Variants in SH3BP2 observed in about 807,000 individuals in gnomAD.
SH3BP2 encodes the protein SH3 domain binding protein 2.
SH3BP2 carries 38 observed loss-of-function variants against 56.2 expected under a neutral mutation model. The ratio of observed to expected loss-of-function variants is 0.68; its 90% CI spans 0.52 to 0.89. SH3BP2 has a LOEUF of 0.89. Among genes scored for constraint, SH3BP2 ranks in the 40% least tolerant of loss-of-function variants. SH3BP2 has a pLI of 0.00. For missense variants in SH3BP2, 748 were observed against 762.6 expected (o/e 0.98, Z 0.23); for synonymous variants, 346 against 316.7 (o/e 1.09, Z -0.98).
rs566168570 is a variant in SH3BP2 at position 2,835,088 on chromosome 4, C to T, written c.*1254C>T. 6.6e-6 allele frequency: 1 copy of T among 152,320 alleles called. No individual in the cohort carries two copies. The highest frequency in any genetic ancestry group is 6.5e-5 in the Admixed American group (1 of 15,298). The allele number at this position is 152,320 out of a possible 1,614,324, so 9.4% of individuals were successfully genotyped here. A position where few individuals can be genotyped will look rare whatever the true frequency, so the allele number is the denominator to read the frequency against. On this transcript the variant is annotated 3_prime_UTR_variant, in exon 13 of 13. Coordinates refer to ENST00000503393, the MANE Select transcript of SH3BP2 (RefSeq NM_001122681.2). ...CTTCCAGGCTGGATTTTTAATGAAA[C>T]AGACTCAGGGAGGTAGGGGCTGGCA...
Position 2,829,707 on chromosome 4 carries a change from C to T in SH3BP2, c.801C>T (p.Cys267=), listed in dbSNP as rs114926004. 1.8e-3 allele frequency: 2,929 copies of T among 1,612,774 alleles called. 52 individuals carry two copies. In the African/African-American group the frequency reaches 0.034, roughly 19 times the overall value. Residue 267 remains cysteine, a synonymous_variant, in exon 8 of 13, where the codon TGC becomes TGT. Coordinates refer to ENST00000503393, the MANE Select transcript of SH3BP2 (RefSeq NM_001122681.2). The surrounding 1 kb of genome is among the most constrained non-coding windows in gnomAD (Gnocchi z 4.9). ...DPLCPRRAEP[C]PRVPATPRRM... is the part of the protein sequence containing the mutation. The stretch of plus-strand genomic sequence containing the variant: ...TGTGCCCGAGGCGGGCTGAGCCTTG[C>T]CCCAGGGTACCTGCTACCCCCCGAA...
intron 1 of SH3BP2, chr4:2,812,539 C>T (rs568220728): frequency 6.6e-7 from 1 of 1,514,108 alleles, no homozygotes; most frequent in African/African-American, 1.4e-5. Flanking sequence ...ACCTGAAGAA[C>T]CAGTAAGGGG....
chr4:2,810,786 C>T lies in SH3BP2; in HGVS notation c.-4-9828C>T, dbSNP rs993479459. Among the ~76,000 whole-genome samples, 3 of 152,230 alleles carry T rather than the reference C, an allele frequency of 2.0e-5. No homozygotes were observed. The highest frequency in any genetic ancestry group is 4.4e-5 in the Non-Finnish European group (3 of 68,042). On this transcript the variant is annotated intron_variant, in intron 1 of 12. Transcript: ENST00000503393. The surrounding 1 kb of genome is among the most constrained non-coding windows in gnomAD (Gnocchi z 4.2). ...CCTCCTCTGGACCCTGCAGCCCCAA[C>T]TGTCAGAACTGCCTGCCTCATCGTC... is the stretch of plus-strand genomic sequence containing the variant.
intron 1 of SH3BP2, among the ~76,000 whole-genome samples, chr4:2,802,582 ATATATATGTTTG>A (rs1723344777): frequency 7.4e-6 from 1 of 135,802 alleles, no homozygotes; most frequent in Non-Finnish European, 1.5e-5. Flanking sequence ...GTGTATATGT[ATATATATGTTTG>A]TATATATGTG....
At position 2,822,943 on chromosome 4, in the gene SH3BP2, C is replaced by T. The variant is rs764155421; in HGVS notation, c.145C>T (p.Arg49Cys). Residue 49 changes from arginine (R) to cysteine (C), a missense_variant, in exon 3 of 13, where the codon CGC (arginine) becomes TGC (cysteine). Physicochemically the swap from Arg to Cys is radical, Grantham distance 180. Transcript: ENST00000503393. Reference sequence around the variant, plus strand: ...CTTGCCACCTCCCACAGGGCCCCTGCGCTTTGTCATCATCCACAAACGCTG... The same window carrying T: ...CTTGCCACCTCCCACAGGGCCCCTGTGCTTTGTCATCATCCACAAACGCTG... ...TQLQLLKWPL[R>C]FVIIHKRCVY... 6.2e-7 allele frequency: 1 copy of T among 1,613,830 alleles called. No homozygotes were observed. Among genetic ancestry groups the T allele is most frequent in the South Asian group, 1.1e-5 (1 of 91,026 alleles).
chr4:2,823,326 C>A, intron 3 of SH3BP2: 1 of 530,118 alleles, frequency 1.9e-6, no homozygotes, highest in Non-Finnish European at 3.6e-6. Context: ...ACTCGGCCAC[C>A]ACCCAGTGAC....
At chr4:2,803,947 C>G (rs1157722311) in intron 1 of SH3BP2, among the ~76,000 whole-genome samples, 1 of 152,068 alleles carries the variant, frequency 6.6e-6, no homozygotes, top group Admixed American at 6.5e-5. Context: ...CAGGGTGTGG[C>G]GTTTGCCTGT....
intron 1 of SH3BP2, among the ~76,000 whole-genome samples, chr4:2,819,648 CG>C (rs1248138380): frequency 1.3e-5 from 2 of 152,024 alleles, no homozygotes; most frequent in Admixed American, 6.5e-5. Context: ...AGTGCAGGGT[CG>C]GGGGGTACTG....
intron 1 of SH3BP2, among the ~76,000 whole-genome samples, chr4:2,800,030 C>T (rs778085311): frequency 1.3e-5 from 2 of 151,966 alleles, no homozygotes; most frequent in African/African-American, 2.4e-5. Context: ...ATGAGGAGCT[C>T]GGGCGGGGTC....
At chr4:2,802,001 G>A (rs1184718946) in intron 1 of SH3BP2, among the ~76,000 whole-genome samples, 1 of 152,112 alleles carries the variant, frequency 6.6e-6, no homozygotes, top group East Asian at 1.9e-4. Context: ...CCAGCTACTC[G>A]GGAGGCTGAG....
chr4:2,832,226 A>G, intron 10 of SH3BP2, 105 bp from the exon 11 acceptor site: 1 of 1,128,352 alleles, frequency 8.9e-7, no homozygotes, highest in Non-Finnish European at 1.4e-6. Context: ...CCTGAGACCT[A>G]CAACAGCGAG....
intron 1 of SH3BP2, among the ~76,000 whole-genome samples, chr4:2,815,915 A>T (rs1297472816): frequency 6.6e-6 from 1 of 152,186 alleles, no homozygotes; most frequent in Admixed American, 6.5e-5. Context: ...GACTCCAGAG[A>T]GGTTATGGGA....
rs980116462 is a variant in SH3BP2 at position 2,832,877 on chromosome 4, G to A, written c.1489-113G>A. 5.5e-6 allele frequency: 6 copies of A among 1,084,088 alleles called. No homozygotes were observed. In the East Asian group the frequency reaches 1.2e-4, roughly 21 times the overall value. 67.2% of individuals were successfully genotyped at this position (1,084,088 alleles called of 1,614,324 possible). A position where few individuals can be genotyped will look rare whatever the true frequency, so the allele number is the denominator to read the frequency against. ...CTGGAGTCCCTCCCCGCCCCCCGAG[G>A]GCCACAGGACCCAGCCTTGATGGTT... On this transcript the variant is annotated intron_variant, in intron 11 of 12. Transcript: ENST00000503393.
At chr4:2,795,701 G>A (rs1460694079) in intron 1 of SH3BP2, among the ~76,000 whole-genome samples, 2 of 152,226 alleles carry the variant, frequency 1.3e-5, no homozygotes, top group Non-Finnish European at 2.9e-5. Context: ...AGCCATGCAG[G>A]TACAGACAGA....
At position 2,834,877 on chromosome 4, in the gene SH3BP2, AT is replaced by A; in HGVS notation, c.*1049del. 6.5e-6 allele frequency: 1 copy of A among 152,800 alleles called. No individual in the cohort carries two copies. Among genetic ancestry groups the A allele is most frequent in the Non-Finnish European group, 1.5e-5 (1 of 68,444 alleles). The allele number at this position is 152,800 out of a possible 1,614,324, so 9.5% of individuals were successfully genotyped here. ...TGCAGGGACTGGGGGCTCCCGGAAGATTTTTTGGAGGAAGTAACAGCTACGA... is the reference window on the plus strand; with the variant it reads ...TGCAGGGACTGGGGGCTCCCGGAAGATTTTTGGAGGAAGTAACAGCTACGA... On this transcript the variant is annotated 3_prime_UTR_variant, in exon 13 of 13. Coordinates refer to ENST00000503393, the MANE Select transcript of SH3BP2 (RefSeq NM_001122681.2).
chr4:2,831,832 C>A lies in SH3BP2; in HGVS notation c.1351-91C>A. On this transcript the variant is annotated intron_variant, in intron 9 of 12. Transcript: ENST00000503393. The surrounding 1 kb of genome is among the most constrained non-coding windows in gnomAD (Gnocchi z 4.1). ...GGGGACACAGCACCATGTAAAGCCC[C>A]GGATCCCGGCACCGGGTGGCCACCG... 1 of 1,472,752 alleles carries A rather than the reference C, an allele frequency of 6.8e-7. No individual in the cohort carries two copies. Among genetic ancestry groups the A allele is most frequent in the Non-Finnish European group, 9.4e-7 (1 of 1,065,450 alleles). The allele number at this position is 1,472,752 out of a possible 1,614,324, so 91.2% of individuals were successfully genotyped here.
chr4:2,821,716 T>A (rs373712992), intron 2 of SH3BP2, among the ~76,000 whole-genome samples: 28 of 152,304 alleles, frequency 1.8e-4, no homozygotes, highest in South Asian at 6.2e-4. Flanking sequence ...AATTTTTTTT[T>A]AAATTTCTTG....
At chr4:2,799,060 T>A in intron 1 of SH3BP2, 1 of 985,456 alleles carries the variant, frequency 1.0e-6, no homozygotes, top group Non-Finnish European at 1.2e-6. Context: ...TGATTAGGAC[T>A]AATGGCGCTC....
chr4:2,833,072 G>A lies in SH3BP2; in HGVS notation c.1548+23G>A, dbSNP rs199820587. On this transcript the variant is annotated intron_variant, in intron 12 of 12. Transcript: ENST00000503393. Reference sequence around the variant, plus strand: ...AAGGTGAGAGGGCTCTGAGTGGGACGGGGACCCTGGCCGCATGGCCTGGCA... The same window carrying A: ...AAGGTGAGAGGGCTCTGAGTGGGACAGGGACCCTGGCCGCATGGCCTGGCA... 518 of 1,611,452 alleles carry A rather than the reference G, an allele frequency of 3.2e-4. 3 individuals are homozygous for A. In the African/African-American group the frequency reaches 5.7e-3, roughly 18 times the overall value.
Sources: gnomAD v4.1 joint callset for allele counts (sites outside exome capture counted in the v4.1 genomes callset) on GRCh38, gnomAD v4.1.1 for gene constraint, Gnocchi (gnomAD v3.1) non-coding constraint, MANE v1.5 for transcripts, NCBI Gene and HGNC (gene_info 2026-07-23, HGNC 2026-07-21) for gene names.